The following RAPGEF2 variants were observed in gnomAD, a reference collection of about 807,000 sequenced individuals.
RAPGEF2 encodes PDZ domain containing guanine nucleotide exchange factor (GEF) 1.
RAPGEF2 carries 54 observed loss-of-function variants against 186.7 expected under a neutral mutation model. The observed-to-expected ratio is 0.29, with a 90% confidence interval of 0.23 to 0.36. The LOEUF is 0.36. Among genes scored for constraint, RAPGEF2 ranks in the 10% least tolerant of loss-of-function variants. The pLI, the probability that RAPGEF2 is intolerant of heterozygous loss-of-function variation, is 1.00. For synonymous variants in RAPGEF2, 712 were observed against 705.9 expected, an observed-to-expected ratio of 1.01 and a Z score of -0.14; for missense variants, 1,532 against 2,045.0, an observed-to-expected ratio of 0.75 and a Z score of 4.84.
chr4:159,320,105 G>C (rs1765058810), intron 9 of RAPGEF2, among the ~76,000 whole-genome samples: 1 of 152,102 alleles, frequency 6.6e-6, no homozygotes, highest in Admixed American at 6.6e-5. Flanking sequence ...TAAAATGCAT[G>C]GTCTATAGGT....
chr4:159,341,957 C>T lies in RAPGEF2; in HGVS notation c.2918+10C>T, dbSNP rs750425714. ...TGTTTGCAATCATCAGGTAAGAGAG[C>T]ACATTTTTTCTTAAGATTCAGTTCA... On this transcript the variant is annotated intron_variant, in intron 20 of 29. Coordinates refer to ENST00000691494, the MANE Select transcript of RAPGEF2 (RefSeq NM_001394067.2). The T allele has an allele frequency of 1.9e-6, 3 of 1,559,708 alleles. No individual in the cohort carries two copies. The highest frequency in any genetic ancestry group is 2.0e-5 in the Admixed American group (1 of 49,804).
intron 26 of RAPGEF2, 92 bp downstream of exon 26, chr4:159,350,381 CATT>C: frequency 1.9e-6 from 2 of 1,080,280 alleles, no homozygotes; most frequent in Non-Finnish European, 2.5e-6. Context: ...TAATTCCTAA[CATT>C]ATAGTCATTT....
intron 4 of RAPGEF2, among the ~76,000 whole-genome samples, chr4:159,236,213 A>G (rs966489499): frequency 6.6e-6 from 1 of 152,172 alleles, no homozygotes; most frequent in Non-Finnish European, 1.5e-5. Context: ...TTTATGGTTG[A>G]AAAAGTTTCA....
intron 26 of RAPGEF2, among the ~76,000 whole-genome samples, chr4:159,352,056 T>C (rs1306852508): frequency 2.0e-5 from 3 of 152,250 alleles, no homozygotes; most frequent in African/African-American, 4.8e-5. Context: ...TGGACATCTG[T>C]TTAGATATTC....
chr4:159,350,424 AT>A lies in RAPGEF2; in HGVS notation c.3865+143del, dbSNP rs548679684. ...TGAGCTCATTTGCAATGCCCAATGG[AT>A]TTTTTTTCCCTCAGTTTATAAATTT... On this transcript the variant is annotated intron_variant, in intron 26 of 29. Coordinates refer to ENST00000691494, the MANE Select transcript of RAPGEF2 (RefSeq NM_001394067.2). 640 of 678,716 alleles carry A rather than the reference AT, an allele frequency of 9.4e-4. 3 individuals carry two copies. In the African/African-American group the frequency reaches 0.011, roughly 12 times the overall value. The allele number at this position is 678,716 out of a possible 1,614,324, so 42.0% of individuals were successfully genotyped here. A position where few individuals can be genotyped will look rare whatever the true frequency, so the allele number is the denominator to read the frequency against.
At chr4:159,270,474 T>G (rs769908478) in intron 7 of RAPGEF2, among the ~76,000 whole-genome samples, 2 of 152,206 alleles carry the variant, frequency 1.3e-5, no homozygotes, top group Non-Finnish European at 2.9e-5. Context: ...TGTGGGCTTT[T>G]AAGTGGCTTT....
At chr4:159,337,617 T>C (rs111271935) in intron 17 of RAPGEF2, among the ~76,000 whole-genome samples, 5,200 of 151,928 alleles carry the variant, frequency 0.034, 213 homozygotes, top group African/African-American at 0.096. Context: ...TGGCCGGGCG[T>C]GGTGGCTCAC....
Position 159,193,446 on chromosome 4 carries a change from C to T in RAPGEF2, c.197+190C>T, listed in dbSNP as rs900119807. On this transcript the variant is annotated intron_variant, in intron 3 of 29. Transcript: ENST00000691494. ...TTACAGTTCTTTCCTGATAAGTTCACATTTGTGTCTATATTTGTATCTCTC... is the reference window on the plus strand; with the variant it reads ...TTACAGTTCTTTCCTGATAAGTTCATATTTGTGTCTATATTTGTATCTCTC... Among the ~76,000 whole-genome samples, 4 of 152,130 alleles carry T rather than the reference C, an allele frequency of 2.6e-5. No homozygotes were observed. The East Asian group carries it at 5.8e-4, about 22-fold the overall frequency.
At chr4:159,145,493 C>T (rs1305522979) in intron 1 of RAPGEF2, among the ~76,000 whole-genome samples, 2 of 151,756 alleles carry the variant, frequency 1.3e-5, no homozygotes. Context: ...AAAACATTGC[C>T]AAAAACATTG....
intron 7 of RAPGEF2, among the ~76,000 whole-genome samples, chr4:159,258,852 A>C (rs553831577): frequency 1.3e-5 from 2 of 152,226 alleles, no homozygotes; most frequent in Non-Finnish European, 2.9e-5. Context: ...CTGCTTTAAC[A>C]GGTCTATACA....
intron 7 of RAPGEF2, among the ~76,000 whole-genome samples, chr4:159,297,552 T>C (rs1315481661): frequency 2.6e-5 from 4 of 152,120 alleles, no homozygotes; most frequent in Non-Finnish European, 5.9e-5. Flanking sequence ...AGTTATTTAG[T>C]TTGCAAAATG....
intron 4 of RAPGEF2, among the ~76,000 whole-genome samples, chr4:159,226,494 G>T (rs1041075731): frequency 6.6e-6 from 1 of 151,996 alleles, no homozygotes. Context: ...TTTAAACCAG[G>T]TTATCAGTGC....
At chr4:159,336,475 C>T (rs1030088963) in intron 17 of RAPGEF2, among the ~76,000 whole-genome samples, 1 of 152,124 alleles carries the variant, frequency 6.6e-6, no homozygotes, top group Non-Finnish European at 1.5e-5. Context: ...CAGCTCCATC[C>T]AAGTTGCTGC....
chr4:159,298,277 A>G (rs778493206), intron 7 of RAPGEF2, among the ~76,000 whole-genome samples: 1 of 152,172 alleles, frequency 6.6e-6, no homozygotes, highest in Non-Finnish European at 1.5e-5. Context: ...ATATTTTACA[A>G]AAATCTTTCT....
chr4:159,295,754 T>TCAC (rs1761915061), intron 7 of RAPGEF2, among the ~76,000 whole-genome samples: 3 of 113,992 alleles, frequency 2.6e-5, no homozygotes, highest in African/African-American at 8.7e-5. Context: ...TGTGTGTGTG[T>TCAC]GCGCGCGCGC....
At chr4:159,126,165 A>G (rs1740278976) in intron 1 of RAPGEF2, among the ~76,000 whole-genome samples, 1 of 152,188 alleles carries the variant, frequency 6.6e-6, no homozygotes, top group Non-Finnish European at 1.5e-5. Context: ...TTTTTTGGAA[A>G]GGATTGAATA....
In RAPGEF2 at chr4:159,331,732, T is replaced by C. The variant is rs1327715699; in HGVS notation, c.1678T>C (p.Phe560Leu). ...ACCATCCCGAGAAGCTCCTTTGCCT[T>C]TTATCTTACTTGGAGGCTCTGAGAA... is the stretch of plus-strand genomic sequence containing the variant. The part of the protein sequence containing the change: ...TKPSREAPLP[F>L]ILLGGSEKGF... The change falls in exon 15 of 30, where the codon TTT (phenylalanine) becomes CTT (leucine). Residue 560 changes from phenylalanine (F) to leucine (L), a missense_variant. By Grantham distance (22) the Phe-to-Leu change is conservative (BLOSUM62 0). Transcript: ENST00000691494. The C allele has an allele frequency of 3.1e-6, 5 of 1,614,142 alleles. No homozygotes were observed. Among genetic ancestry groups the C allele is most frequent in the Non-Finnish European group, 4.2e-6 (5 of 1,180,010 alleles).
intron 1 of RAPGEF2, among the ~76,000 whole-genome samples, chr4:159,120,274 C>T (rs1198412254): frequency 6.6e-6 from 1 of 152,190 alleles, no homozygotes; most frequent in Non-Finnish European, 1.5e-5. Flanking sequence ...CATGCCTTGG[C>T]CTCCCAAAGT....
At chr4:159,319,233 G>C (rs182284991) in intron 9 of RAPGEF2, among the ~76,000 whole-genome samples, 1 of 152,142 alleles carries the variant, frequency 6.6e-6, no homozygotes, top group Non-Finnish European at 1.5e-5. Flanking sequence ...AGCAGGAGGC[G>C]AGTGAAAGGT....
Sources: gnomAD v4.1 joint callset for allele counts (sites outside exome capture counted in the v4.1 genomes callset) on GRCh38, gnomAD v4.1.1 for gene constraint, MANE v1.5 for transcripts, NCBI Gene and HGNC (gene_info 2026-07-23, HGNC 2026-07-21) for gene names.